The following GAB2 variants were observed in gnomAD, a reference collection of about 807,000 sequenced individuals.
The protein encoded by GAB2 is GRB2 associated binding protein 2, also known as GRB2-associated-binding protein 2.
In GAB2, 26 loss-of-function variants were observed where a neutral mutation model predicts 65.5. The ratio of observed to expected loss-of-function variants is 0.40; its 90% CI spans 0.29 to 0.55. GAB2 has a LOEUF of 0.55. Ranked by LOEUF, GAB2 falls within the 20% of genes least tolerant of loss-of-function variation. The probability of loss-of-function intolerance (pLI) is 0.53; values close to 1 mark genes in which losing one functional copy is unlikely to be tolerated. For synonymous variants in GAB2, 321 were observed against 329.6 expected, an observed-to-expected ratio of 0.97 and a Z score of 0.28; for missense variants, 884 against 875.8, an observed-to-expected ratio of 1.01 and a Z score of -0.12.
intron 1 of GAB2, among the ~76,000 whole-genome samples, chr11:78,282,247 A>T (rs1331591446): frequency 6.6e-6 from 1 of 152,186 alleles, no homozygotes; most frequent in Non-Finnish European, 1.5e-5. Flanking sequence ...GACATTGCAC[A>T]AAGACTACAT....
chr11:78,273,308 G>T (rs898298117), intron 2 of GAB2, among the ~76,000 whole-genome samples: 3 of 152,246 alleles, frequency 2.0e-5, no homozygotes, highest in Admixed American at 6.5e-5. Flanking sequence ...TCAGCCAGAA[G>T]AGAGGCTATA....
intron 3 of GAB2, among the ~76,000 whole-genome samples, chr11:78,241,838 C>G (rs2512518): frequency 0.016 from 2,508 of 152,232 alleles, 74 homozygotes; most frequent in African/African-American, 0.057. Context: ...CAGGGAGAGA[C>G]AGACTCTAAT....
At chr11:78,385,711 G>GGGAA (rs1856757298) in intron 1 of GAB2, among the ~76,000 whole-genome samples, 1 of 152,158 alleles carries the variant, frequency 6.6e-6, no homozygotes, top group Non-Finnish European at 1.5e-5. Flanking sequence ...CACAGAAGAT[G>GGGAA]GGAAGCATGT....
intron 1 of GAB2, among the ~76,000 whole-genome samples, chr11:78,340,816 CTTTAACCAG>C (rs1856080697): frequency 6.6e-6 from 1 of 152,162 alleles, no homozygotes; most frequent in Admixed American, 6.5e-5. Context: ...CTCTCAAAGC[CTTTAACCAG>C]TTTAAGAAAT....
At chr11:78,251,342 TG>T (rs1167047697) in intron 2 of GAB2, among the ~76,000 whole-genome samples, 1 of 152,188 alleles carries the variant, frequency 6.6e-6, no homozygotes, top group African/African-American at 2.4e-5. Flanking sequence ...CATTCCCCAC[TG>T]CCTACCACTC....
At chr11:78,363,437 C>T (rs1166720568) in intron 1 of GAB2, among the ~76,000 whole-genome samples, 1 of 152,096 alleles carries the variant, frequency 6.6e-6, no homozygotes, top group Non-Finnish European at 1.5e-5. Context: ...CTAAAATACT[C>T]CTCTTAAAAA....
intron 1 of GAB2, among the ~76,000 whole-genome samples, chr11:78,400,657 C>G (rs1163032598): frequency 1.3e-5 from 2 of 152,060 alleles, no homozygotes; most frequent in Admixed American, 6.6e-5. Flanking sequence ...AATCCCAGCA[C>G]TTTGGGAGGC....
chr11:78,372,755 T>G (rs529320077), intron 1 of GAB2, among the ~76,000 whole-genome samples: 2 of 152,296 alleles, frequency 1.3e-5, no homozygotes, highest in Admixed American at 1.3e-4. Flanking sequence ...GTAACACACT[T>G]TTTATCTCTT....
chr11:78,242,391 A>G (rs1466606334), intron 3 of GAB2, among the ~76,000 whole-genome samples: 2 of 152,150 alleles, frequency 1.3e-5, no homozygotes, highest in Non-Finnish European at 2.9e-5. Flanking sequence ...AGTCCCAGCT[A>G]CACAGGAGGT....
At chr11:78,276,904 G>A (rs1376933876) in intron 2 of GAB2, among the ~76,000 whole-genome samples, 6 of 152,048 alleles carry the variant, frequency 3.9e-5, no homozygotes, top group African/African-American at 1.2e-4. Context: ...TACAAGCTCC[G>A]CCTCCCAGGT....
At chr11:78,340,611 T>C (rs1392551690) in intron 1 of GAB2, among the ~76,000 whole-genome samples, 2 of 140,122 alleles carry the variant, frequency 1.4e-5, no homozygotes, top group Admixed American at 1.4e-4. Context: ...ACTGCTTATG[T>C]GAAGAGGAAA....
intron 1 of GAB2, among the ~76,000 whole-genome samples, chr11:78,309,986 G>A (rs976991748): frequency 6.6e-6 from 1 of 151,498 alleles, no homozygotes; most frequent in Admixed American, 6.6e-5. Context: ...GCGCGCCTGT[G>A]TGTGTGGTGG....
chr11:78,398,487 CAG>C (rs1355959576), intron 1 of GAB2, among the ~76,000 whole-genome samples: 4 of 152,148 alleles, frequency 2.6e-5, no homozygotes, highest in African/African-American at 4.8e-5. Context: ...AACAGAAAAA[CAG>C]ATAGATGAAA....
rs1448102924 is a variant in GAB2 at position 78,226,500 on chromosome 11, G to T, written c.1172C>A (p.Thr391Asn). 1.5e-5 allele frequency: 24 copies of T among 1,613,430 alleles called. No individual in the cohort carries two copies. Among genetic ancestry groups the T allele is most frequent in the Non-Finnish European group, 2.0e-5 (24 of 1,179,828 alleles). The change falls in exon 4 of 10, where the codon ACC becomes AAC. Residue 391 changes from threonine (T) to asparagine (N), a missense_variant. Thr to Asn is a moderately conservative substitution (Grantham distance 65, BLOSUM62 0). Coordinates refer to ENST00000361507, the MANE Select transcript of GAB2 (RefSeq NM_080491.3). ...TCGGCTGTTGTCCATTGCAGGGAGG[G>T]TGTTGCGTCTGGGGATGGTGGCAGC... Reference protein sequence around the residue: ...SVAATIPRRNTLPAMDNSRLH... With the variant: ...SVAATIPRRNNLPAMDNSRLH...
At chr11:78,302,077 T>C (rs1867036646) in intron 1 of GAB2, among the ~76,000 whole-genome samples, 1 of 152,012 alleles carries the variant, frequency 6.6e-6, no homozygotes. Flanking sequence ...GACCTGAAAC[T>C]ATAAAAATTC....
At chr11:78,412,397 TAAAAA>T in intron 1 of GAB2, among the ~76,000 whole-genome samples, 1 of 151,936 alleles carries the variant, frequency 6.6e-6, no homozygotes. Context: ...TTATGCTGAA[TAAAAA>T]AAAGTTCAAA....
At chr11:78,407,754 A>T (rs1165393171) in intron 1 of GAB2, among the ~76,000 whole-genome samples, 1 of 151,550 alleles carries the variant, frequency 6.6e-6, no homozygotes, top group African/African-American at 2.4e-5. Context: ...AAGAAAAAGA[A>T]AGAAAGAAAG....
chr11:78,347,412 A>G (rs901213485), intron 1 of GAB2, among the ~76,000 whole-genome samples: 3 of 152,230 alleles, frequency 2.0e-5, no homozygotes, highest in African/African-American at 7.2e-5. Flanking sequence ...AATAAGGTAG[A>G]AAGAACATGG....
At chr11:78,276,550 C>T (rs1355036515) in intron 2 of GAB2, among the ~76,000 whole-genome samples, 1 of 152,152 alleles carries the variant, frequency 6.6e-6, no homozygotes. Context: ...GGTTGCATGC[C>T]TGTCCCCTCC....
Sources: gnomAD v4.1 joint callset for allele counts (sites outside exome capture counted in the v4.1 genomes callset) on GRCh38, gnomAD v4.1.1 for gene constraint, MANE v1.5 for transcripts, NCBI Gene and HGNC (gene_info 2026-07-23, HGNC 2026-07-21) for gene names.